Variants in CADPS2 observed in about 807,000 individuals in gnomAD.
CADPS2 encodes calcium dependent secretion activator 2, also known as calcium-dependent secretion activator 2.
Under a neutral mutation model 172.5 loss-of-function variants are expected in CADPS2, and 93 were observed. The ratio of observed to expected loss-of-function variants is 0.54; its 90% CI spans 0.46 to 0.64. The LOEUF is 0.64. Among genes scored for constraint, CADPS2 ranks in the 30% least tolerant of loss-of-function variants. The pLI is 0.00. For synonymous variants in CADPS2, 546 were observed against 555.2 expected (o/e 0.98, Z 0.23); for missense variants, 1,420 against 1,565.9 (o/e 0.91, Z 1.57).
At chr7:122,379,959 C>T (rs1413528992) in intron 24 of CADPS2, among the ~76,000 whole-genome samples, 2 of 152,034 alleles carry the variant, frequency 1.3e-5, no homozygotes, top group South Asian at 2.1e-4. Context: ...ACAATTCTTA[C>T]AATATGCTCG....
chr7:122,864,493 A>G (rs993857926), intron 1 of CADPS2, among the ~76,000 whole-genome samples: 3 of 152,234 alleles, frequency 2.0e-5, no homozygotes, highest in Admixed American at 6.5e-5. Flanking sequence ...AAACAAAAAA[A>G]CAAACCAAAA....
intron 2 of CADPS2, among the ~76,000 whole-genome samples, chr7:122,734,356 TAAAAAAAA>T (rs558421546): frequency 1.7e-4 from 8 of 46,296 alleles, no homozygotes; most frequent in African/African-American, 2.7e-4. Flanking sequence ...CCAGAAATAG[TAAAAAAAA>T]AAAAAAAAAA....
intron 6 of CADPS2, among the ~76,000 whole-genome samples, chr7:122,582,777 C>T (rs1396740147): frequency 6.6e-6 from 1 of 151,882 alleles, no homozygotes; most frequent in East Asian, 1.9e-4. Context: ...CCTTGGGAGG[C>T]ATTCTCTTAT....
chr7:122,819,449 G>A lies in CADPS2; in HGVS notation c.339+66550C>T, dbSNP rs183494381. ...TAGACCATCACGGACGCCAAGCTTC[G>A]GGTAACTCTCACAATGGAAGGTAAG... On this transcript the variant is annotated intron_variant, in intron 1 of 29. Coordinates refer to ENST00000449022, the MANE Select transcript of CADPS2 (RefSeq NM_017954.11). Among the ~76,000 whole-genome samples, 19 of 152,158 alleles carry A rather than the reference G, an allele frequency of 1.2e-4. No individual in the cohort carries two copies. The East Asian group carries it at 2.3e-3, about 19-fold the overall frequency.
At chr7:122,634,504 T>A (rs2076874450) in intron 3 of CADPS2, among the ~76,000 whole-genome samples, 1 of 152,170 alleles carries the variant, frequency 6.6e-6, no homozygotes, top group African/African-American at 2.4e-5. Context: ...TATATTTCTT[T>A]GAGATATTCT....
chr7:122,480,243 T>C (rs1403150379), intron 12 of CADPS2: 1 of 360,056 alleles, frequency 2.8e-6, no homozygotes, highest in East Asian at 8.6e-5. Flanking sequence ...TATAAATACA[T>C]ATTAGTAATG....
intron 14 of CADPS2, among the ~76,000 whole-genome samples, chr7:122,452,754 C>T (rs1341780234): frequency 6.6e-6 from 1 of 152,062 alleles, no homozygotes; most frequent in African/African-American, 2.4e-5. Context: ...TTTATCATTC[C>T]AATGTACTAA....
At chr7:122,465,096 A>G (rs955222652) in intron 14 of CADPS2, among the ~76,000 whole-genome samples, 1 of 152,172 alleles carries the variant, frequency 6.6e-6, no homozygotes, top group Non-Finnish European at 1.5e-5. Flanking sequence ...AGACCAATAA[A>G]CTTGATGGAT....
intron 7 of CADPS2, among the ~76,000 whole-genome samples, chr7:122,568,536 G>A (rs935468061): frequency 7.9e-5 from 12 of 152,026 alleles, no homozygotes; most frequent in Non-Finnish European, 2.9e-5. Context: ...AGAATAGAGA[G>A]TCCAGGAATA....
intron 25 of CADPS2, 115 bp from the exon 26 acceptor site, chr7:122,361,128 C>G: frequency 1.3e-6 from 1 of 784,714 alleles, no homozygotes; most frequent in Non-Finnish European, 2.1e-6. Context: ...AATGAATGAA[C>G]TGACAGCTGA....
intron 1 of CADPS2, among the ~76,000 whole-genome samples, chr7:122,815,306 G>A (rs1002015475): frequency 5.3e-5 from 8 of 152,118 alleles, no homozygotes; most frequent in African/African-American, 1.9e-4. Context: ...TAGCTAATTT[G>A]CTTCTGGCAA....
rs1463621158 is a variant in CADPS2, at chr7:122,659,116, T to C, written c.786+4121A>G. Reference sequence around the variant, plus strand: ...AAGCACAAAACCAAAAGAAACACAATCTGGAGAGATAAAGCAAGCATCTGA... The same window carrying C: ...AAGCACAAAACCAAAAGAAACACAACCTGGAGAGATAAAGCAAGCATCTGA... On this transcript the variant is annotated intron_variant, in intron 3 of 29. Coordinates refer to ENST00000449022, the MANE Select transcript of CADPS2 (RefSeq NM_017954.11). Among the ~76,000 whole-genome samples, 3 of 151,460 alleles carry C rather than the reference T, an allele frequency of 2.0e-5. No individual in the cohort carries two copies. In the East Asian group the frequency reaches 5.8e-4, roughly 29 times the overall value.
rs184724193 is a variant in CADPS2, at chr7:122,655,471, A to G, written c.786+7766T>C. Among the ~76,000 whole-genome samples, 364 of 152,292 alleles carry G rather than the reference A, an allele frequency of 2.4e-3. 1 individual carries two copies. Among genetic ancestry groups the G allele is most frequent in the Middle Eastern group, 0.014 (4 of 294 alleles). On this transcript the variant is annotated intron_variant, in intron 3 of 29. Transcript: ENST00000449022. ...AGATTATGACTTGCTGAAGGCTCAA[A>G]TGCTTGGTAGCATTTTTTAAAACAA...
At chr7:122,689,730 G>T (rs189501572) in intron 2 of CADPS2, among the ~76,000 whole-genome samples, 1 of 152,150 alleles carries the variant, frequency 6.6e-6, no homozygotes, top group East Asian at 1.9e-4. Flanking sequence ...TGGTAAGGCC[G>T]CTTATTCCAC....
chr7:122,510,423 T>A (rs975805044), intron 9 of CADPS2, among the ~76,000 whole-genome samples: 8 of 152,162 alleles, frequency 5.3e-5, no homozygotes, highest in Non-Finnish European at 4.4e-5. Flanking sequence ...TGACTCCAAT[T>A]TAAATGTTTA....
chr7:122,686,003 G>A (rs2083570214), intron 2 of CADPS2, among the ~76,000 whole-genome samples: 1 of 152,112 alleles, frequency 6.6e-6, no homozygotes, highest in South Asian at 2.1e-4. Context: ...TTGTGAAGCT[G>A]GTTTTATGGA....
At chr7:122,542,528 C>G (rs933651402) in intron 8 of CADPS2, among the ~76,000 whole-genome samples, 3 of 152,040 alleles carry the variant, frequency 2.0e-5, no homozygotes, top group Non-Finnish European at 4.4e-5. Context: ...CAAATGGGAA[C>G]TTGTCTTTCT....
At chr7:122,463,136 T>C (rs1424988576) in intron 14 of CADPS2, among the ~76,000 whole-genome samples, 1 of 151,810 alleles carries the variant, frequency 6.6e-6, no homozygotes, top group African/African-American at 2.4e-5. Context: ...TTGCACTGCC[T>C]AAAGAATACA....
intron 1 of CADPS2, 89 bp downstream of exon 1, chr7:122,885,910 C>A: frequency 6.9e-7 from 1 of 1,444,628 alleles, no homozygotes; most frequent in Non-Finnish European, 9.5e-7. Flanking sequence ...TCCTGCGTTT[C>A]GCAGAAGGAC....
Sources: gnomAD v4.1 joint callset for allele counts (sites outside exome capture counted in the v4.1 genomes callset) on GRCh38, gnomAD v4.1.1 for gene constraint, MANE v1.5 for transcripts, NCBI Gene and HGNC (gene_info 2026-07-23, HGNC 2026-07-21) for gene names.